Variants in AAK1 observed in about 807,000 individuals in gnomAD.
AAK1 encodes the protein AP2 associated kinase 1.
AAK1 carries 37 observed loss-of-function variants against 116.0 expected under a neutral mutation model. The ratio of observed to expected loss-of-function variants is 0.32; its 90% CI spans 0.25 to 0.42. The LOEUF is 0.42. Ranked by LOEUF, AAK1 falls within the 10% of genes least tolerant of loss-of-function variation. AAK1 has a pLI of 1.00. For synonymous variants in AAK1, 458 were observed against 439.9 expected, an observed-to-expected ratio of 1.04 and a Z score of -0.51; for missense variants, 919 against 1,170.6, an observed-to-expected ratio of 0.79 and a Z score of 3.14.
intron 20 of AAK1, among the ~76,000 whole-genome samples, chr2:69,477,384 G>A (rs1279213469): frequency 1.3e-5 from 2 of 152,118 alleles, no homozygotes; most frequent in African/African-American, 4.8e-5. Flanking sequence ...GGGCTTGGGG[G>A]CAGGGCAGGG....
At chr2:69,524,552 A>C (rs1669936541) in intron 10 of AAK1, among the ~76,000 whole-genome samples, 2 of 152,078 alleles carry the variant, frequency 1.3e-5, no homozygotes, top group South Asian at 4.2e-4. Flanking sequence ...CTCCTGCCTC[A>C]GCCTCCCAAG....
chr2:69,616,805 GTATACC>G (rs1229947563), intron 2 of AAK1, among the ~76,000 whole-genome samples: 2 of 152,136 alleles, frequency 1.3e-5, no homozygotes, highest in Non-Finnish European at 2.9e-5. Flanking sequence ...TCTATCCCTT[GTATACC>G]TACCAGTGTG....
In AAK1 at chr2:69,643,263, G is replaced by GT. The variant is rs1675830340; in HGVS notation, c.-224dup. The GT allele has an allele frequency of 3.6e-6, 5 of 1,408,350 alleles. No homozygotes were observed. The highest frequency in any genetic ancestry group is 2.6e-5 in the East Asian group (1 of 37,986). The allele number at this position is 1,408,350 out of a possible 1,614,324, so 87.2% of individuals were successfully genotyped here. A position where few individuals can be genotyped will look rare whatever the true frequency, so the allele number is the denominator to read the frequency against. On this transcript the variant is annotated 5_prime_UTR_variant, in exon 2 of 22. Transcript: ENST00000409085. The stretch of plus-strand genomic sequence containing the variant: ...CCTCCTCCTCCAGAAAGCGATTCGT[G>GT]TAAGTTTAAACCTGTGATGACAGAG...
At chr2:69,551,668 T>C (rs1671188597) in intron 3 of AAK1, among the ~76,000 whole-genome samples, 1 of 152,234 alleles carries the variant, frequency 6.6e-6, no homozygotes, top group South Asian at 2.1e-4. Context: ...AGCTATTTCC[T>C]ATCACTGTTC....
At position 69,468,643 on chromosome 2, in the gene AAK1, T is replaced by C. The variant is rs1274801430; in HGVS notation, c.*7226A>G. On this transcript the variant is annotated 3_prime_UTR_variant, in exon 22 of 22. Transcript: ENST00000409085. ...TAGTTTGAACAGAGTCAGTGTTTTTTGGAAATTTAAACTGAATTCAGTTAA... is the reference window on the plus strand; with the variant it reads ...TAGTTTGAACAGAGTCAGTGTTTTTCGGAAATTTAAACTGAATTCAGTTAA... The C allele has an allele frequency of 4.1e-5, 40 of 985,310 alleles. No homozygotes were observed. The South Asian group carries it at 5.2e-4, about 13-fold the overall frequency. 61.0% of individuals were successfully genotyped at this position (985,310 alleles called of 1,614,324 possible). A position where few individuals can be genotyped will look rare whatever the true frequency, so the allele number is the denominator to read the frequency against.
intron 16 of AAK1, among the ~76,000 whole-genome samples, chr2:69,498,534 C>A (rs1444393272): frequency 6.6e-6 from 1 of 152,140 alleles, no homozygotes; most frequent in African/African-American, 2.4e-5. Context: ...CCCCCGAGAG[C>A]CCAGTGCCCC....
intron 17 of AAK1, among the ~76,000 whole-genome samples, 199 bp from the exon 18 acceptor site, chr2:69,483,011 T>C (rs1675154170): frequency 6.6e-6 from 1 of 152,204 alleles, no homozygotes; most frequent in Admixed American, 6.5e-5. Flanking sequence ...CTTCCTCAAG[T>C]GAAGTAGTCA....
At chr2:69,641,203 C>T (rs1005386863) in intron 2 of AAK1, among the ~76,000 whole-genome samples, 8 of 152,226 alleles carry the variant, frequency 5.3e-5, no homozygotes, top group African/African-American at 1.7e-4. Flanking sequence ...GATGAGACAA[C>T]ATCCTAGCTG....
In AAK1 at chr2:69,520,867, T is replaced by A. The variant is rs1209111023; in HGVS notation, c.1177A>T (p.Arg393Trp). 6.3e-7 allele frequency: 1 copy of A among 1,585,516 alleles called. No homozygotes were observed. The highest frequency in any genetic ancestry group is 1.8e-5 in the Admixed American group (1 of 54,560). The change falls in exon 11 of 22, where the codon AGG (arginine) becomes TGG (tryptophan). Residue 393 changes from arginine to tryptophan, a missense_variant. By Grantham distance (101) the Arg-to-Trp change is moderately radical. Coordinates refer to ENST00000409085, the MANE Select transcript of AAK1 (RefSeq NM_014911.5). ...TGAGGTGGGGGCTGAACAGTGGCCC[T>A]CTTCCGGGGTGTCAGCGCTGGCTGG... ...PIQPALTPRKRATVQPPPQAA... is the reference protein window; with the variant it reads ...PIQPALTPRKWATVQPPPQAA...
chr2:69,538,921 C>G lies in AAK1; in HGVS notation c.534+3602G>C, dbSNP rs554732421. 7.2e-5 allele frequency among the ~76,000 whole-genome samples: 11 copies of G among 152,252 alleles called. No individual in the cohort carries two copies. The East Asian group carries it at 2.1e-3, about 29-fold the overall frequency. ...AACAAAGTTAATATAAAGGAAGACT[C>G]TGAGAACATGGGAATATTACTTTCT... is the stretch of plus-strand genomic sequence containing the variant. On this transcript the variant is annotated intron_variant, in intron 5 of 21. Coordinates refer to ENST00000409085, the MANE Select transcript of AAK1 (RefSeq NM_014911.5).
chr2:69,465,762 C>T lies in AAK1; in HGVS notation c.*10107G>A. On this transcript the variant is annotated 3_prime_UTR_variant, in exon 22 of 22. Transcript: ENST00000409085. Reference sequence around the variant, plus strand: ...CAGGCAGGATCCCCTGGGAGAGATGCTGTCCAGATGGTCTGCTGCTTGTAC... The same window carrying T: ...CAGGCAGGATCCCCTGGGAGAGATGTTGTCCAGATGGTCTGCTGCTTGTAC... 7.7e-7 allele frequency: 1 copy of T among 1,290,884 alleles called. No individual in the cohort carries two copies. The highest frequency in any genetic ancestry group is 1.0e-6 in the Non-Finnish European group (1 of 988,872). The allele number at this position is 1,290,884 out of a possible 1,614,324, so 80.0% of individuals were successfully genotyped here.
In AAK1 at chr2:69,575,170, T is replaced by G. The variant is rs867455945; in HGVS notation, c.164-18192A>C. 1.5e-4 allele frequency among the ~76,000 whole-genome samples: 23 copies of G among 152,290 alleles called. 1 individual carries two copies. The Middle Eastern group carries it at 0.024, about 158-fold the overall frequency. On this transcript the variant is annotated intron_variant, in intron 2 of 21. Coordinates refer to ENST00000409085, the MANE Select transcript of AAK1 (RefSeq NM_014911.5). The stretch of plus-strand genomic sequence containing the variant: ...TTCTATGAAAATACATTTTTGGTTG[T>G]TTGTTTTTAGAAAAACCTGTCCTCC...
chr2:69,466,272 C>G lies in AAK1; in HGVS notation c.*9597G>C, dbSNP rs1263347565. 7.8e-7 allele frequency: 1 copy of G among 1,289,714 alleles called. No individual in the cohort carries two copies. Among genetic ancestry groups the G allele is most frequent in the South Asian group, 1.2e-5 (1 of 81,014 alleles). The allele number at this position is 1,289,714 out of a possible 1,614,324, so 79.9% of individuals were successfully genotyped here. A position where few individuals can be genotyped will look rare whatever the true frequency, so the allele number is the denominator to read the frequency against. On this transcript the variant is annotated 3_prime_UTR_variant, in exon 22 of 22. Transcript: ENST00000409085. ...TCCCAGCTTCCCCGGGGGGGGTCTG[C>G]AGCTCTCATCTTCTTCTTCAGACTC...
intron 2 of AAK1, chr2:69,598,989 G>A (rs1673431679): frequency 2.6e-6 from 1 of 389,928 alleles, no homozygotes; most frequent in South Asian, 2.1e-5. Flanking sequence ...AGAAGGACAT[G>A]ACACTTTGTG....
intron 2 of AAK1, among the ~76,000 whole-genome samples, chr2:69,563,378 G>A (rs557233812): frequency 3.3e-5 from 5 of 152,310 alleles, no homozygotes; most frequent in African/African-American, 9.6e-5. Flanking sequence ...AGAATGATTA[G>A]ACTAGGAATA....
At chr2:69,632,957 C>T (rs1326950550) in intron 2 of AAK1, among the ~76,000 whole-genome samples, 5 of 151,752 alleles carry the variant, frequency 3.3e-5, no homozygotes, top group Admixed American at 6.6e-5. Context: ...GGTGTGAACC[C>T]GGGAGGCAGA....
At chr2:69,607,671 A>G (rs909306630) in intron 2 of AAK1, among the ~76,000 whole-genome samples, 2 of 152,152 alleles carry the variant, frequency 1.3e-5, no homozygotes, top group Admixed American at 6.5e-5. Context: ...TAACTCAGTA[A>G]TTTTTTAAAT....
intron 3 of AAK1, among the ~76,000 whole-genome samples, chr2:69,551,493 A>G (rs1237559657): frequency 6.6e-6 from 1 of 152,228 alleles, no homozygotes; most frequent in Non-Finnish European, 1.5e-5. Flanking sequence ...CCCTTTGTAG[A>G]ATAAGAAACC....
At chr2:69,622,226 C>T (rs894388300) in intron 2 of AAK1, among the ~76,000 whole-genome samples, 1 of 152,244 alleles carries the variant, frequency 6.6e-6, no homozygotes, top group Non-Finnish European at 1.5e-5. Flanking sequence ...GAGCCAGCAG[C>T]TGCTGCCCTC....
Sources: gnomAD v4.1 joint callset for allele counts (sites outside exome capture counted in the v4.1 genomes callset) on GRCh38, gnomAD v4.1.1 for gene constraint, MANE v1.5 for transcripts, NCBI Gene and HGNC (gene_info 2026-07-23, HGNC 2026-07-21) for gene names.